The following CMIP variants were observed in gnomAD, a reference collection of about 807,000 sequenced individuals.
CMIP encodes C-Maf-inducing protein.
Under a neutral mutation model 97.3 loss-of-function variants are expected in CMIP, and 13 were observed. The observed-to-expected ratio is 0.13, with a 90% CI of 0.09 to 0.21. The LOEUF (loss-of-function observed/expected upper bound fraction) is 0.21. Ranked by LOEUF, CMIP falls within the 10% of genes least tolerant of loss-of-function variation. The probability of loss-of-function intolerance (pLI) is 1.00; values close to 1 mark genes in which losing one functional copy is unlikely to be tolerated. For synonymous variants in CMIP, 538 were observed against 436.3 expected (o/e 1.23, Z -2.91); for missense variants, 847 against 1,024.9 (o/e 0.83, Z 2.37).
chr16:81,512,960 C>T (rs925422712), intron 1 of CMIP, among the ~76,000 whole-genome samples: 1 of 152,172 alleles, frequency 6.6e-6, no homozygotes, highest in Non-Finnish European at 1.5e-5. Flanking sequence ...TGGTCTCAAA[C>T]TCTTGGTCTC....
At chr16:81,459,508 G>T (rs1205012173) in intron 1 of CMIP, among the ~76,000 whole-genome samples, 1 of 152,212 alleles carries the variant, frequency 6.6e-6, no homozygotes, top group African/African-American at 2.4e-5. Context: ...CCGTTGGGAG[G>T]ATTAAGATAT....
chr16:81,454,726 A>G (rs1271656404), intron 1 of CMIP, among the ~76,000 whole-genome samples: 2 of 152,204 alleles, frequency 1.3e-5, no homozygotes, highest in East Asian at 3.8e-4. Context: ...GGGTATTACA[A>G]TTATGATACA....
At chr16:81,551,976 G>T (rs1310802919) in intron 1 of CMIP, among the ~76,000 whole-genome samples, 1 of 152,236 alleles carries the variant, frequency 6.6e-6, no homozygotes, top group Non-Finnish European at 1.5e-5. Context: ...GTGTGCAGGG[G>T]GGCCCTGGCT....
chr16:81,595,691 C>T (rs1257093744), intron 1 of CMIP, among the ~76,000 whole-genome samples: 1 of 152,066 alleles, frequency 6.6e-6, no homozygotes, highest in Non-Finnish European at 1.5e-5. Flanking sequence ...GCCTAGCCCG[C>T]ATAATACTTT....
At chr16:81,615,339 CTT>C (rs541111416) in intron 2 of CMIP, among the ~76,000 whole-genome samples, 58 of 124,602 alleles carry the variant, frequency 4.7e-4, no homozygotes, top group South Asian at 4.2e-3. Context: ...GTGTATGTGT[CTT>C]TGTGTGTGTG....
At chr16:81,685,121 C>T (rs1379180655) in intron 10 of CMIP, among the ~76,000 whole-genome samples, 1 of 152,250 alleles carries the variant, frequency 6.6e-6, no homozygotes, top group Non-Finnish European at 1.5e-5. Flanking sequence ...CTGTCCAGCG[C>T]CCCCCATTCA....
At chr16:81,555,680 C>T (rs9788920) in intron 1 of CMIP, among the ~76,000 whole-genome samples, 3 of 152,160 alleles carry the variant, frequency 2.0e-5, no homozygotes, top group African/African-American at 7.2e-5. Flanking sequence ...CTTCATGGGT[C>T]CCCACCAGGG....
At position 81,453,315 on chromosome 16, in the gene CMIP, GGT is replaced by G. The variant is rs1906350445; in HGVS notation, c.300+7776_300+7777del. On this transcript the variant is annotated intron_variant, in intron 1 of 20. Coordinates refer to ENST00000537098, the MANE Select transcript of CMIP (RefSeq NM_198390.3). The surrounding 1 kb of genome is among the most constrained non-coding windows in gnomAD (Gnocchi z 4.0). ...ACGTGGTCTGGATCGTCTGGTCCCT[GGT>G]GGATATAGGATTTGAGTGTATGGAA... Among the ~76,000 whole-genome samples, 1 of 152,224 alleles carries G rather than the reference GGT, an allele frequency of 6.6e-6. No individual in the cohort carries two copies. The highest frequency in any genetic ancestry group is 2.1e-4 in the South Asian group (1 of 4,832).
At chr16:81,568,632 C>T (rs556872342) in intron 1 of CMIP, among the ~76,000 whole-genome samples, 2 of 152,206 alleles carry the variant, frequency 1.3e-5, no homozygotes, top group Admixed American at 6.5e-5. Flanking sequence ...ATTTGTTTCT[C>T]GCTTTCAACC....
intron 7 of CMIP, among the ~76,000 whole-genome samples, chr16:81,668,495 C>G (rs1464177663): frequency 6.6e-6 from 1 of 152,184 alleles, no homozygotes; most frequent in East Asian, 1.9e-4. Context: ...CCCCTGTCTT[C>G]CTGACACCTG....
chr16:81,545,368 G>T (rs987711006), intron 1 of CMIP, among the ~76,000 whole-genome samples: 1 of 152,200 alleles, frequency 6.6e-6, no homozygotes, highest in Non-Finnish European at 1.5e-5. Flanking sequence ...GATGCTTCTC[G>T]CAGTGAAGGA....
chr16:81,502,097 T>C (rs2150779617), intron 1 of CMIP, among the ~76,000 whole-genome samples: 1 of 152,346 alleles, frequency 6.6e-6, no homozygotes, highest in South Asian at 2.1e-4. Flanking sequence ...AAGGGGCAGC[T>C]ACTGCCTAGC....
At chr16:81,476,545 G>A (rs1907933984) in intron 1 of CMIP, 10 of 616,624 alleles carry the variant, frequency 1.6e-5, no homozygotes, top group Non-Finnish European at 2.7e-5. Context: ...TTTCCCGACG[G>A]CGCCGGTGTC....
At chr16:81,536,549 T>C (rs1174053223) in intron 1 of CMIP, among the ~76,000 whole-genome samples, 1 of 152,208 alleles carries the variant, frequency 6.6e-6, no homozygotes, top group Non-Finnish European at 1.5e-5. Flanking sequence ...TATATTCACA[T>C]TGTAGCACAA....
intron 9 of CMIP, among the ~76,000 whole-genome samples, chr16:81,677,711 C>A (rs1904414411): frequency 6.6e-6 from 1 of 152,186 alleles, no homozygotes; most frequent in African/African-American, 2.4e-5. Flanking sequence ...GTTAAAGATG[C>A]TGTGCCTGGA....
At chr16:81,645,986 A>G (rs1393511028) in intron 3 of CMIP, among the ~76,000 whole-genome samples, 1 of 152,096 alleles carries the variant, frequency 6.6e-6, no homozygotes, top group Non-Finnish European at 1.5e-5. Context: ...TATCCTTAGT[A>G]CTTAACATAG....
intron 1 of CMIP, among the ~76,000 whole-genome samples, chr16:81,535,984 G>A (rs374868455): frequency 1.3e-5 from 2 of 152,168 alleles, no homozygotes; most frequent in South Asian, 4.1e-4. Flanking sequence ...AGGGCCCAGG[G>A]AACCTCGGTG....
chr16:81,706,968 C>A (rs1214286901), intron 19 of CMIP, 46 bp from the exon 20 acceptor site: 1 of 1,566,148 alleles, frequency 6.4e-7, no homozygotes, highest in East Asian at 2.2e-5. Context: ...ACCTTCATAC[C>A]TTTGGGGCCT....
chr16:81,670,862 T>C (rs1337166656), intron 8 of CMIP, among the ~76,000 whole-genome samples: 2 of 152,152 alleles, frequency 1.3e-5, no homozygotes, highest in African/African-American at 2.4e-5. Flanking sequence ...GGAGTCTCGC[T>C]CTGTCACCCA....
Sources: gnomAD v4.1 joint callset for allele counts (sites outside exome capture counted in the v4.1 genomes callset) on GRCh38, gnomAD v4.1.1 for gene constraint, Gnocchi (gnomAD v3.1) non-coding constraint, MANE v1.5 for transcripts, NCBI Gene and HGNC (gene_info 2026-07-23, HGNC 2026-07-21) for gene names.